The following KCNQ1OT1 variants were observed in gnomAD, a reference collection of about 807,000 sequenced individuals.
The protein encoded by KCNQ1OT1 is KCNQ1 opposite strand/antisense transcript 1.
In KCNQ1OT1 at chr11:2,677,265, G is replaced by A. The variant is rs114683827; in HGVS notation, n.22730C>T. On this transcript the variant is annotated non_coding_transcript_exon_variant, in exon 1 of 1. Transcript: ENST00000597346. This position sits in a 1 kb window ranked among gnomAD's most constrained non-coding sequence, Gnocchi z 4.5. Reference sequence around the variant, plus strand: ...CACAAAGTAAAGAGGAACTTATAAAGAGGAACTGTAAATCTTGTCAAAATA... The same window carrying A: ...CACAAAGTAAAGAGGAACTTATAAAAAGGAACTGTAAATCTTGTCAAAATA... 5.8e-5 allele frequency: 23 copies of A among 398,382 alleles called. No individual in the cohort carries two copies. The highest frequency in any genetic ancestry group is 1.3e-3 in the Middle Eastern group (2 of 1,588). 24.7% of individuals were successfully genotyped at this position (398,382 alleles called of 1,614,324 possible). A position where few individuals can be genotyped will look rare whatever the true frequency, so the allele number is the denominator to read the frequency against.
In KCNQ1OT1 at chr11:2,653,851, C is replaced by T. The variant is rs766820751; in HGVS notation, n.46144G>A. On this transcript the variant is annotated non_coding_transcript_exon_variant, in exon 1 of 1. Coordinates refer to ENST00000597346, the Ensembl canonical transcript of KCNQ1OT1. The surrounding 1 kb of genome is among the most constrained non-coding windows in gnomAD (Gnocchi z 5.3). ...CCCTTTGGGGATGGCCAGAGGGTACCTAAACACTGCACACTAGGAGTGGGA... is the reference window on the plus strand; with the variant it reads ...CCCTTTGGGGATGGCCAGAGGGTACTTAAACACTGCACACTAGGAGTGGGA... 4.9e-4 allele frequency: 194 copies of T among 398,524 alleles called. No homozygotes were observed. The highest frequency in any genetic ancestry group is 7.4e-4 in the Non-Finnish European group (168 of 226,090). 24.7% of individuals were successfully genotyped at this position (398,524 alleles called of 1,614,324 possible).
In KCNQ1OT1 at chr11:2,668,673, G is replaced by A. The variant is rs897483558; in HGVS notation, n.31322C>T. ...ATCTTTAGATATTCTGGAGTCATTTGTCAGAGAGAGAGATACACACACTCA... is the reference window on the plus strand; with the variant it reads ...ATCTTTAGATATTCTGGAGTCATTTATCAGAGAGAGAGATACACACACTCA... On this transcript the variant is annotated non_coding_transcript_exon_variant, in exon 1 of 1. Coordinates refer to ENST00000597346, the Ensembl canonical transcript of KCNQ1OT1. The surrounding 1 kb of genome is among the most constrained non-coding windows in gnomAD (Gnocchi z 4.3). 1.3e-5 allele frequency: 5 copies of A among 398,314 alleles called. No individual in the cohort carries two copies. The Admixed American group carries it at 1.3e-4, about 11-fold the overall frequency. The allele number at this position is 398,314 out of a possible 1,614,324, so 24.7% of individuals were successfully genotyped here.
In KCNQ1OT1 at chr11:2,611,840, C is replaced by T. The variant is rs1444949768; in HGVS notation, n.88155G>A. 1 of 398,170 alleles carries T rather than the reference C, an allele frequency of 2.5e-6. No homozygotes were observed. Among genetic ancestry groups the T allele is most frequent in the Non-Finnish European group, 4.4e-6 (1 of 226,000 alleles). The allele number at this position is 398,170 out of a possible 1,614,324, so 24.7% of individuals were successfully genotyped here. A position where few individuals can be genotyped will look rare whatever the true frequency, so the allele number is the denominator to read the frequency against. ...GTTGAATAGATATGTTCTAGAGTAC[C>T]ATTCTAATTCCTTTGTTAGTTTATT... On this transcript the variant is annotated non_coding_transcript_exon_variant, in exon 1 of 1. Transcript: ENST00000597346. The surrounding 1 kb of genome is among the most constrained non-coding windows in gnomAD (Gnocchi z 5.3).
In KCNQ1OT1 at chr11:2,669,648, G is replaced by A; in HGVS notation, n.30347C>T. On this transcript the variant is annotated non_coding_transcript_exon_variant, in exon 1 of 1. Coordinates refer to ENST00000597346, the Ensembl canonical transcript of KCNQ1OT1. This position sits in a 1 kb window ranked among gnomAD's most constrained non-coding sequence, Gnocchi z 5.6. ...GCCTCAGTTTCCTCTTGTATACATT[G>A]GGAGTATATCTCACAGTATTAGTGT... 2.5e-6 allele frequency: 1 copy of A among 398,604 alleles called. No homozygotes were observed. Among genetic ancestry groups the A allele is most frequent in the South Asian group, 1.3e-4 (1 of 7,858 alleles). The allele number at this position is 398,604 out of a possible 1,614,324, so 24.7% of individuals were successfully genotyped here. A position where few individuals can be genotyped will look rare whatever the true frequency, so the allele number is the denominator to read the frequency against.
Position 2,657,337 on chromosome 11 carries a change from T to A in KCNQ1OT1, n.42658A>T, listed in dbSNP as rs928423971. ...TTTTCAGTATTGAGTCTTCTAGTCA[T>A]TGGAATGAAGGCATATTTCTCCATT... On this transcript the variant is annotated non_coding_transcript_exon_variant, in exon 1 of 1. Transcript: ENST00000597346. The surrounding 1 kb of genome is among the most constrained non-coding windows in gnomAD (Gnocchi z 4.8). 1 of 398,642 alleles carries A rather than the reference T, an allele frequency of 2.5e-6. No individual in the cohort carries two copies. Among genetic ancestry groups the A allele is most frequent in the African/African-American group, 2.1e-5 (1 of 48,768 alleles). 24.7% of individuals were successfully genotyped at this position (398,642 alleles called of 1,614,324 possible).
At chr11:2,666,899 A>G (rs1850081388) in exon 1 of KCNQ1OT1, 1 of 398,594 alleles carries the variant, frequency 2.5e-6, no homozygotes. Flanking sequence ...GTCTTTCTAG[A>G]CCAGTGTCCT....
Position 2,661,171 on chromosome 11 carries a change from A to G in KCNQ1OT1, n.38824T>C, listed in dbSNP as rs986241973. On this transcript the variant is annotated non_coding_transcript_exon_variant, in exon 1 of 1. Transcript: ENST00000597346. The surrounding 1 kb of genome is among the most constrained non-coding windows in gnomAD (Gnocchi z 5.9). ...ATCTAGTTGGCAGTTAACACTGATG[A>G]CCTTGGGGGAGGAAAGCCATTGTGA... 21 of 398,486 alleles carry G rather than the reference A, an allele frequency of 5.3e-5. No homozygotes were observed. The highest frequency in any genetic ancestry group is 6.2e-4 in the Middle Eastern group (1 of 1,610). The allele number at this position is 398,486 out of a possible 1,614,324, so 24.7% of individuals were successfully genotyped here.
In KCNQ1OT1 at chr11:2,613,576, T is replaced by C. The variant is rs541269843; in HGVS notation, n.86419A>G. On this transcript the variant is annotated non_coding_transcript_exon_variant, in exon 1 of 1. Transcript: ENST00000597346. This position sits in a 1 kb window ranked among gnomAD's most constrained non-coding sequence, Gnocchi z 4.8. ...TCTTAGGAAGGCTTAATATTTTTTCTTTAATTAGCACTTTTCAATTTTATA... is the reference window on the plus strand; with the variant it reads ...TCTTAGGAAGGCTTAATATTTTTTCCTTAATTAGCACTTTTCAATTTTATA... 626 of 398,600 alleles carry C rather than the reference T, an allele frequency of 1.6e-3. 4 individuals are homozygous for C. Among genetic ancestry groups the C allele is most frequent in the Non-Finnish European group, 2.1e-3 (475 of 226,066 alleles). The allele number at this position is 398,600 out of a possible 1,614,324, so 24.7% of individuals were successfully genotyped here. A position where few individuals can be genotyped will look rare whatever the true frequency, so the allele number is the denominator to read the frequency against.
Position 2,626,524 on chromosome 11 carries a change from T to C in KCNQ1OT1, n.73471A>G, listed in dbSNP as rs945467456. The stretch of plus-strand genomic sequence containing the variant: ...AGTTTTGATTACTGTAGCTTCGTAA[T>C]AAGTTGGGGTTTTTGTTTGTTTTTC... On this transcript the variant is annotated non_coding_transcript_exon_variant, in exon 1 of 1. Transcript: ENST00000597346. The surrounding 1 kb of genome is among the most constrained non-coding windows in gnomAD (Gnocchi z 4.0). 7.5e-6 allele frequency: 3 copies of C among 398,490 alleles called. No homozygotes were observed. The highest frequency in any genetic ancestry group is 1.3e-5 in the Non-Finnish European group (3 of 226,078). The allele number at this position is 398,490 out of a possible 1,614,324, so 24.7% of individuals were successfully genotyped here.
chr11:2,647,993 C>T lies in KCNQ1OT1; in HGVS notation n.52002G>A, dbSNP rs764962536. The stretch of plus-strand genomic sequence containing the variant: ...CTTTGGAAGGCCAAGGCAGGCCGAT[C>T]GCTTGAGTCCAGGAGTTTGAGACCA... On this transcript the variant is annotated non_coding_transcript_exon_variant, in exon 1 of 1. Coordinates refer to ENST00000597346, the Ensembl canonical transcript of KCNQ1OT1. The surrounding 1 kb of genome is among the most constrained non-coding windows in gnomAD (Gnocchi z 4.0). The T allele has an allele frequency of 4.5e-5, 18 of 397,066 alleles. No homozygotes were observed. The highest frequency in any genetic ancestry group is 1.8e-4 in the East Asian group (5 of 28,024). The allele number at this position is 397,066 out of a possible 1,614,324, so 24.6% of individuals were successfully genotyped here.
At chr11:2,633,588 T>G (rs1436627226) in exon 1 of KCNQ1OT1, 1 of 398,486 alleles carries the variant, frequency 2.5e-6, no homozygotes, top group East Asian at 3.6e-5. Flanking sequence ...GCATATGATA[T>G]CCTGTTTTCC....
Position 2,678,742 on chromosome 11 carries a change from G to C in KCNQ1OT1, n.21253C>G. On this transcript the variant is annotated non_coding_transcript_exon_variant, in exon 1 of 1. Transcript: ENST00000597346. The surrounding 1 kb of genome is among the most constrained non-coding windows in gnomAD (Gnocchi z 4.9). ...CAGGATTAGCTCTTGAGTTAGACAG[G>C]AAGCTGGGGTGTTTGGGACTGAGGC... 2.5e-6 allele frequency: 1 copy of C among 398,586 alleles called. No individual in the cohort carries two copies. Among genetic ancestry groups the C allele is most frequent in the Non-Finnish European group, 4.4e-6 (1 of 226,060 alleles). 24.7% of individuals were successfully genotyped at this position (398,586 alleles called of 1,614,324 possible).
chr11:2,681,335 G>A (rs1032660679), exon 1 of KCNQ1OT1: 43 of 398,322 alleles, frequency 1.1e-4, no homozygotes, highest in East Asian at 2.1e-4. Context: ...AACTGTGACC[G>A]TCTTTTCCTT....
At position 2,608,478 on chromosome 11, in the gene KCNQ1OT1, T is replaced by C. The variant is rs1848918129; in HGVS notation, n.91517A>G. 5.0e-6 allele frequency: 2 copies of C among 398,550 alleles called. No homozygotes were observed. The highest frequency in any genetic ancestry group is 8.8e-6 in the Non-Finnish European group (2 of 226,050). The allele number at this position is 398,550 out of a possible 1,614,324, so 24.7% of individuals were successfully genotyped here. A position where few individuals can be genotyped will look rare whatever the true frequency, so the allele number is the denominator to read the frequency against. ...GTATACTTCCCTCATTCATTCCTTT[T>C]TCCTTTTCTTTTTGAGAAACAGAGT... is the stretch of plus-strand genomic sequence containing the variant. On this transcript the variant is annotated non_coding_transcript_exon_variant, in exon 1 of 1. Coordinates refer to ENST00000597346, the Ensembl canonical transcript of KCNQ1OT1. This position sits in a 1 kb window ranked among gnomAD's most constrained non-coding sequence, Gnocchi z 4.6.
At chr11:2,618,724 T>C in exon 1 of KCNQ1OT1, 1 of 398,552 alleles carries the variant, frequency 2.5e-6, no homozygotes, top group East Asian at 3.6e-5. Flanking sequence ...AAAAAAATTT[T>C]CCATGGGATT....
rs1564854123 is a variant in KCNQ1OT1 at position 2,674,831 on chromosome 11, T to TAAA, written n.25163_25164insTTT. ...GGCTTGTCACCCTAATAGCTGTTTT[T>TAAA]TAAAAAAAAAAAAAAAAAAAAAAAA... On this transcript the variant is annotated non_coding_transcript_exon_variant, in exon 1 of 1. Coordinates refer to ENST00000597346, the Ensembl canonical transcript of KCNQ1OT1. The surrounding 1 kb of genome is among the most constrained non-coding windows in gnomAD (Gnocchi z 5.9). 9.0e-5 allele frequency: 33 copies of TAAA among 367,996 alleles called. 1 individual carries two copies. The highest frequency in any genetic ancestry group is 5.9e-4 in the African/African-American group (23 of 38,680). 22.8% of individuals were successfully genotyped at this position (367,996 alleles called of 1,614,324 possible).
At chr11:2,610,178 T>TA in exon 1 of KCNQ1OT1, 2 of 397,964 alleles carry the variant, frequency 5.0e-6, no homozygotes, top group East Asian at 3.6e-5. Flanking sequence ...TTCTATTTGT[T>TA]ATTAGTGTTT....
At chr11:2,632,385 GA>G in exon 1 of KCNQ1OT1, 1 of 398,296 alleles carries the variant, frequency 2.5e-6, no homozygotes, top group Non-Finnish European at 4.4e-6. Context: ...TCTTTGGCTA[GA>G]AAGCCACTAC....
At chr11:2,628,057 A>G (rs1167914291) in exon 1 of KCNQ1OT1, 1 of 398,584 alleles carries the variant, frequency 2.5e-6, no homozygotes, top group African/African-American at 2.1e-5. Flanking sequence ...TATGAATACT[A>G]TGTTGCTCAT....
Sources: gnomAD v4.1 joint callset for allele counts on GRCh38, gnomAD v4.1.1 for gene constraint, Gnocchi (gnomAD v3.1) non-coding constraint, MANE v1.5 for transcripts, NCBI Gene and HGNC (gene_info 2026-07-23, HGNC 2026-07-21) for gene names.